The following KIF7 variants were observed in gnomAD, a reference collection of about 807,000 sequenced individuals.
KIF7 encodes the protein kinesin family member 7.
Under a neutral mutation model 135.7 loss-of-function variants are expected in KIF7, and 104 were observed. That is an observed-to-expected ratio of 0.77 (90% CI 0.65 to 0.90). The LOEUF is 0.90. Ranked by LOEUF, KIF7 falls within the 40% of genes least tolerant of loss-of-function variation. The pLI is 0.00. For missense variants in KIF7, 2,005 were observed against 1,839.1 expected (o/e 1.09, Z -1.65); for synonymous variants, 883 against 809.4 (o/e 1.09, Z -1.54).
At chr15:89,632,422 A>C (rs1160911378) in intron 14 of KIF7, among the ~76,000 whole-genome samples, 3 of 152,118 alleles carry the variant, frequency 2.0e-5, no homozygotes, top group East Asian at 1.9e-4. Context: ...GCGCCTCCTC[A>C]TTCTTCCTGC....
At chr15:89,637,310 G>A (rs1458263547) in intron 11 of KIF7, among the ~76,000 whole-genome samples, 3 of 141,914 alleles carry the variant, frequency 2.1e-5, no homozygotes, top group Non-Finnish European at 3.1e-5. Context: ...GCTAGCAGAA[G>A]GCAAGAAATA....
rs968822922 is a variant in KIF7, at chr15:89,633,135, C to T, written c.2718+6G>A. ...AGCCCTGGGTGCGGACACAGCCTGG[C>T]CCCACCTGCTGCTGTTCCAGGCTGA... On this transcript the variant is annotated splice_donor_region_variant and intron_variant, in intron 13 of 18. Coordinates refer to ENST00000394412, the MANE Select transcript of KIF7 (RefSeq NM_198525.3). The T allele has an allele frequency of 8.7e-6, 14 of 1,602,080 alleles. No homozygotes were observed. Among genetic ancestry groups the T allele is most frequent in the Non-Finnish European group, 1.2e-5 (14 of 1,179,776 alleles).
rs1016552692 is a variant in KIF7, at chr15:89,631,760, CAG to C, written c.2896-52_2896-51del. On this transcript the variant is annotated intron_variant, in intron 14 of 18. Coordinates refer to ENST00000394412, the MANE Select transcript of KIF7 (RefSeq NM_198525.3). ...AGAGAAGGAACAGGCACTGTCCTCA[CAG>C]GGGGGACAGAAAGGGCCGGATGTTA... The C allele has an allele frequency of 2.7e-5, 40 of 1,468,100 alleles. No individual in the cohort carries two copies. The East Asian group carries it at 4.7e-4, about 17-fold the overall frequency. The allele number at this position is 1,468,100 out of a possible 1,614,324, so 90.9% of individuals were successfully genotyped here.
intron 12 of KIF7, 67 bp from the exon 13 acceptor site, chr15:89,633,333 T>C: frequency 6.5e-7 from 1 of 1,533,248 alleles, no homozygotes; most frequent in Non-Finnish European, 8.7e-7. Flanking sequence ...CTGCCACCGA[T>C]CCCAAAGCCC....
At position 89,651,487 on chromosome 15, in the gene KIF7, G is replaced by A. The variant is rs548003267; in HGVS notation, c.328+1116C>T. On this transcript the variant is annotated intron_variant, in intron 2 of 18. Coordinates refer to ENST00000394412, the MANE Select transcript of KIF7 (RefSeq NM_198525.3). Reference sequence around the variant, plus strand: ...GACCTCAGGTGATCTGCCTGCCTCCGCCTCCCAAAGTGCTGGGATTACAGG... The same window carrying A: ...GACCTCAGGTGATCTGCCTGCCTCCACCTCCCAAAGTGCTGGGATTACAGG... 1.1e-4 allele frequency among the ~76,000 whole-genome samples: 17 copies of A among 152,270 alleles called. 1 individual carries two copies. In the South Asian group the frequency reaches 1.7e-3, roughly 15 times the overall value.
At chr15:89,624,692 CAG>C, downstream of KIF7, 1 of 1,614,140 alleles carries the variant, frequency 6.2e-7, no homozygotes. Context: ...ACAAGTGACA[CAG>C]AGCATGTCAC....
At chr15:89,624,480 TCC>T (rs1440580572), downstream of KIF7, 1 of 1,614,082 alleles carries the variant, frequency 6.2e-7, no homozygotes, top group Non-Finnish European at 8.5e-7. Context: ...AGACCTCTGA[TCC>T]CAGAAGGAGC....
intron 8 of KIF7, 101 bp from the exon 9 acceptor site, chr15:89,645,552 C>G: frequency 2.2e-6 from 2 of 915,340 alleles, no homozygotes; most frequent in Non-Finnish European, 3.5e-6. Flanking sequence ...GGGTCTTCCA[C>G]CTCCCAGGGT....
intron 16 of KIF7, chr15:89,629,928 T>C (rs933265277): frequency 3.3e-5 from 17 of 513,420 alleles, no homozygotes; most frequent in Admixed American, 1.3e-4. Flanking sequence ...CTGTGTGTTA[T>C]AGGATGTTTA....
At chr15:89,635,782 A>G (rs1294050305) in intron 11 of KIF7, among the ~76,000 whole-genome samples, 1 of 152,222 alleles carries the variant, frequency 6.6e-6, no homozygotes, top group Non-Finnish European at 1.5e-5. Flanking sequence ...AACTTCCCCA[A>G]TCTAGCAAGG....
At position 89,619,825 on chromosome 15, in the gene KIF7, T is replaced by C. The variant is rs776893332; in HGVS notation, c.181-1630A>G. The C allele has an allele frequency of 6.2e-6, 10 of 1,612,294 alleles. No homozygotes were observed. Among genetic ancestry groups the C allele is most frequent in the Non-Finnish European group, 8.5e-6 (10 of 1,179,484 alleles). The stretch of plus-strand genomic sequence containing the variant: ...CGAAGTGTGCAAAGAGTCCACTCTT[T>C]CCAGCAAGATAAGTCAGGTAACATA... On this transcript the variant is annotated intron_variant and NMD_transcript_variant, in intron 1 of 2. Coordinates refer to the KIF7 transcript ENST00000558928.
At chr15:89,621,284 G>T (rs184748786) in intron 1 of KIF7, 2 of 1,149,852 alleles carry the variant, frequency 1.7e-6, no homozygotes, top group East Asian at 5.0e-5. Flanking sequence ...GCCTCCCAAA[G>T]TGCTGGGATT....
At chr15:89,631,381 G>A in intron 15 of KIF7, 114 bp downstream of exon 15, 1 of 938,938 alleles carries the variant, frequency 1.1e-6, no homozygotes, top group Non-Finnish European at 1.6e-6. Flanking sequence ...TGAAAACTTG[G>A]GTCTGCCGAC....
At position 89,631,552 on chromosome 15, in the gene KIF7, G is replaced by T; in HGVS notation, c.3054C>A (p.Leu1018=). 1 of 1,581,196 alleles carries T rather than the reference G, an allele frequency of 6.3e-7. No individual in the cohort carries two copies. Among genetic ancestry groups the T allele is most frequent in the East Asian group, 2.3e-5 (1 of 43,384 alleles). The change falls in exon 15 of 19, where the codon CTC becomes CTA. Residue 1018 remains leucine (L), a synonymous_variant. Coordinates refer to ENST00000394412, the MANE Select transcript of KIF7 (RefSeq NM_198525.3). ...DSLRQEKDSL[L]KQRLEIDGKL... is the part of the protein sequence containing the mutation. ...TGCCGTCGATCTCCAGGCGCTGCTT[G>T]AGCAGCGAGTCCTTCTCCTGGCGCA...
chr15:89,642,370 GGC>G lies in KIF7; in HGVS notation c.2225_2226del (p.Ser742ThrfsTer19), dbSNP rs1963939825. Reference protein sequence around the residue: ...KAAQALNRQHSQRIRELEQEA... With the variant: ...KAAQALNRQHXQRIRELEQEA... ...TCCTGCTCCAGCTCCCGGATACGCT[GGC>G]TGTGCTGGCGGTTCAGGGCCTGAGC... On this transcript the variant is annotated frameshift_variant, in exon 11 of 19. Transcript: ENST00000394412. LOFTEE classifies it high-confidence loss of function. 6.2e-7 allele frequency: 1 copy of G among 1,608,184 alleles called. No homozygotes were observed.
Position 89,628,736 on chromosome 15 carries a change from C to T in KIF7, c.3715G>A (p.Glu1239Lys). 6.2e-7 allele frequency: 1 copy of T among 1,612,874 alleles called. No homozygotes were observed. The stretch of plus-strand genomic sequence containing the variant: ...TCGGGTGCCAGGTGGAGCTCATCTT[C>T]ATTTCCAGGAGCCTGTCTGCCCTCC... ...CSEGRQAPGNEDELHLAPELL... is the reference protein window; with the variant it reads ...CSEGRQAPGNKDELHLAPELL... The change falls in exon 19 of 19, where the codon GAA becomes AAA. Residue 1239 changes from glutamate (E) to lysine (K), a missense_variant. Coordinates refer to ENST00000394412, the MANE Select transcript of KIF7 (RefSeq NM_198525.3).
chr15:89,626,959 AGGATGT>A, downstream of KIF7: 4 of 1,613,790 alleles, frequency 2.5e-6, no homozygotes, highest in Non-Finnish European at 3.4e-6. Flanking sequence ...CTTCTAGATG[AGGATGT>A]GGATGTTCTT....
chr15:89,624,474 C>T (rs138368695), downstream of KIF7: 99 of 1,614,042 alleles, frequency 6.1e-5, no homozygotes, highest in Non-Finnish European at 8.2e-5. Context: ...GTAGAAAGAC[C>T]TCTGATCCCA....
At chr15:89,643,964 A>AC (rs1394609782) in intron 10 of KIF7, among the ~76,000 whole-genome samples, 2 of 151,686 alleles carry the variant, frequency 1.3e-5, no homozygotes, top group African/African-American at 4.8e-5. Context: ...AAAAAAAAAA[A>AC]GTTCCTATTT....
Sources: allele counts gnomAD v4.1 joint callset (sites outside exome capture counted in the v4.1 genomes callset), GRCh38; gene constraint gnomAD v4.1.1; transcripts MANE v1.5; gene names NCBI Gene and HGNC (gene_info 2026-07-23, HGNC 2026-07-21).